The following ASAP1 variants were observed in gnomAD, a reference collection of about 807,000 sequenced individuals.
ASAP1 encodes arf-GAP with SH3 domain, ANK repeat and PH domain-containing protein 1.
ASAP1 carries 43 observed loss-of-function variants against 145.2 expected under a neutral mutation model. The observed-to-expected ratio is 0.30, with a 90% CI of 0.23 to 0.38. The LOEUF (loss-of-function observed/expected upper bound fraction) is 0.38, where lower values mean the gene tolerates loss of function less well. ASAP1 is among the 10% of genes least tolerant of loss of function. The pLI, the probability that ASAP1 is intolerant of heterozygous loss-of-function variation, is 1.00. For synonymous variants in ASAP1, 546 were observed against 515.5 expected (o/e 1.06, Z -0.80); for missense variants, 1,018 against 1,355.3 (o/e 0.75, Z 3.91).
chr8:130,303,284 T>C (rs1438441461), intron 3 of ASAP1, among the ~76,000 whole-genome samples: 2 of 152,198 alleles, frequency 1.3e-5, no homozygotes, highest in Non-Finnish European at 2.9e-5. Context: ...AAACTATAAG[T>C]GTATGCCTAA....
At chr8:130,209,460 C>T (rs1246285793) in intron 5 of ASAP1, among the ~76,000 whole-genome samples, 1 of 150,922 alleles carries the variant, frequency 6.6e-6, no homozygotes, top group Non-Finnish European at 1.5e-5. Flanking sequence ...GTAAAAGCAA[C>T]AGTGAGTAAA....
chr8:130,186,562 A>G (rs1385520660), intron 7 of ASAP1, among the ~76,000 whole-genome samples: 1 of 152,114 alleles, frequency 6.6e-6, no homozygotes, highest in East Asian at 1.9e-4. Context: ...AGATGGGCCG[A>G]GCACCCTGCA....
intron 2 of ASAP1, among the ~76,000 whole-genome samples, chr8:130,382,794 G>A (rs1344004880): frequency 6.6e-6 from 1 of 151,636 alleles, no homozygotes; most frequent in East Asian, 1.9e-4. Flanking sequence ...GCAGTGAGCT[G>A]AGATTGCGCA....
At chr8:130,403,554 C>CTTTTTCTT (rs760971291) in intron 1 of ASAP1, among the ~76,000 whole-genome samples, 2 of 125,398 alleles carry the variant, frequency 1.6e-5, no homozygotes, top group Non-Finnish European at 3.3e-5. Flanking sequence ...TTTTCTTTTT[C>CTTTTTCTT]TTTTTTTTTT....
At chr8:130,124,235 C>A in intron 17 of ASAP1, 131 bp from the exon 18 acceptor site, 2 of 674,972 alleles carry the variant, frequency 3.0e-6, no homozygotes, top group Non-Finnish European at 2.5e-6. Context: ...AAACCACCGT[C>A]CATCTGGTCT....
chr8:130,061,450 A>G (rs1448214792), intron 27 of ASAP1, among the ~76,000 whole-genome samples: 1 of 152,222 alleles, frequency 6.6e-6, no homozygotes, highest in Non-Finnish European at 1.5e-5. Context: ...CTATAGATAT[A>G]ACTTTTACTT....
intron 2 of ASAP1, among the ~76,000 whole-genome samples, chr8:130,365,075 T>C (rs960647271): frequency 2.0e-5 from 3 of 152,172 alleles, no homozygotes; most frequent in African/African-American, 7.2e-5. Flanking sequence ...ATCCTACCCA[T>C]GTCTGTATCA....
chr8:130,433,671 T>C (rs1830212841), intron 1 of ASAP1, among the ~76,000 whole-genome samples: 1 of 152,232 alleles, frequency 6.6e-6, no homozygotes. Context: ...CTCTTAAAAG[T>C]GAATTCACTC....
chr8:130,238,462 C>T (rs973869398), intron 3 of ASAP1, among the ~76,000 whole-genome samples: 4 of 152,084 alleles, frequency 2.6e-5, no homozygotes, highest in Non-Finnish European at 5.9e-5. Context: ...TCTGAGTACA[C>T]GAGACAACAA....
chr8:130,283,583 G>GAAAAAAAAAAAAAAAAAAAAAAAA (rs745389921), intron 3 of ASAP1, among the ~76,000 whole-genome samples: 1 of 98,792 alleles, frequency 1.0e-5, no homozygotes, highest in Non-Finnish European at 1.9e-5. Context: ...CTCCATCACA[G>GAAAAAAAAAAAAAAAAAAAAAAAA]AAAGAAAAAA....
At chr8:130,303,671 G>A (rs1822811425) in intron 3 of ASAP1, among the ~76,000 whole-genome samples, 1 of 152,010 alleles carries the variant, frequency 6.6e-6, no homozygotes, top group Non-Finnish European at 1.5e-5. Flanking sequence ...ATCTGAAAAG[G>A]CTACATACTT....
At chr8:130,173,629 G>C (rs1434656835) in intron 9 of ASAP1, among the ~76,000 whole-genome samples, 1 of 151,868 alleles carries the variant, frequency 6.6e-6, no homozygotes, top group Admixed American at 6.6e-5. Context: ...TTAGCCGGGC[G>C]TGGTGGTACA....
intron 13 of ASAP1, among the ~76,000 whole-genome samples, chr8:130,146,359 G>T (rs1461593091): frequency 6.6e-6 from 1 of 152,066 alleles, no homozygotes; most frequent in African/African-American, 2.4e-5. Context: ...TATATGCTAA[G>T]GACCAACAGC....
chr8:130,134,244 A>G, intron 15 of ASAP1, 52 bp downstream of exon 15: 3 of 1,377,358 alleles, frequency 2.2e-6, no homozygotes, highest in South Asian at 1.4e-5. Context: ...TTGTAAACAG[A>G]GAGGTGCTTT....
At chr8:130,111,435 G>A (rs925676758) in intron 24 of ASAP1, among the ~76,000 whole-genome samples, 1 of 152,096 alleles carries the variant, frequency 6.6e-6, no homozygotes, top group African/African-American at 2.4e-5. Flanking sequence ...TGGTCACACA[G>A]AACCTGGGTT....
chr8:130,382,243 G>T (rs193238113), intron 2 of ASAP1, among the ~76,000 whole-genome samples: 2 of 134,330 alleles, frequency 1.5e-5, no homozygotes, highest in East Asian at 4.5e-4. Context: ...CCGAGATTGC[G>T]CCACTGCACT....
At chr8:130,312,859 T>A (rs758304082) in intron 3 of ASAP1, among the ~76,000 whole-genome samples, 1 of 152,228 alleles carries the variant, frequency 6.6e-6, no homozygotes, top group Non-Finnish European at 1.5e-5. Context: ...TTTGCCAATG[T>A]GATTTTCAAC....
rs1425134164 is a variant in ASAP1 at position 130,054,127 on chromosome 8, T to C, written c.*604A>G. 1 of 153,274 alleles carries C rather than the reference T, an allele frequency of 6.5e-6. No homozygotes were observed. The highest frequency in any genetic ancestry group is 2.4e-5 in the African/African-American group (1 of 41,478). 9.5% of individuals were successfully genotyped at this position (153,274 alleles called of 1,614,324 possible). On this transcript the variant is annotated 3_prime_UTR_variant, in exon 30 of 30. Transcript: ENST00000518721. ...TAAACTTGCATGAGGCTGTGTGCATTGTAAAATGCCATAAAGAGTTTTGGG... is the reference window on the plus strand; with the variant it reads ...TAAACTTGCATGAGGCTGTGTGCATCGTAAAATGCCATAAAGAGTTTTGGG...
intron 1 of ASAP1, among the ~76,000 whole-genome samples, chr8:130,407,559 C>A (rs995223181): frequency 1.3e-5 from 2 of 152,206 alleles, no homozygotes; most frequent in African/African-American, 4.8e-5. Context: ...TACAACCTCT[C>A]ATTTCCCGCT....
Sources: allele counts gnomAD v4.1 joint callset (sites outside exome capture counted in the v4.1 genomes callset), GRCh38; gene constraint gnomAD v4.1.1; transcripts MANE v1.5; gene names NCBI Gene and HGNC (gene_info 2026-07-23, HGNC 2026-07-21).